Variants in AFAP1L1 observed in about 807,000 individuals in gnomAD.
The protein encoded by AFAP1L1 is actin filament-associated protein 1-like 1.
In AFAP1L1, 77 loss-of-function variants were observed where a neutral mutation model predicts 99.8. The observed-to-expected ratio is 0.77, with a 90% confidence interval of 0.64 to 0.93. AFAP1L1 has a LOEUF of 0.93. Among genes scored for constraint, AFAP1L1 ranks in the 40% least tolerant of loss-of-function variants. AFAP1L1 has a pLI of 0.00. For missense variants in AFAP1L1, 893 were observed against 996.8 expected (o/e 0.90, Z 1.40); for synonymous variants, 373 against 395.3 (o/e 0.94, Z 0.67).
intron 6 of AFAP1L1, 88 bp downstream of exon 6, chr5:149,306,492 C>A: frequency 8.4e-7 from 1 of 1,190,718 alleles, no homozygotes; most frequent in Non-Finnish European, 1.2e-6. Flanking sequence ...CATGGGTGTG[C>A]CCACCAGCCC....
rs1395517638 is a variant in AFAP1L1, at chr5:149,317,986, C to T, written c.1479+46C>T. The stretch of plus-strand genomic sequence containing the variant: ...GTGGGTGGCTCTTGGTCTGGGGACT[C>T]TGGCCTGAGTGTCATGTTTTTGTTT... On this transcript the variant is annotated intron_variant, in intron 12 of 18. Coordinates refer to ENST00000296721, the MANE Select transcript of AFAP1L1 (RefSeq NM_152406.4). The T allele has an allele frequency of 5.8e-6, 9 of 1,539,470 alleles. No individual in the cohort carries two copies. The African/African-American group carries it at 9.6e-5, about 16-fold the overall frequency.
At chr5:149,290,694 A>G (rs1383318460) in intron 1 of AFAP1L1, among the ~76,000 whole-genome samples, 1 of 151,962 alleles carries the variant, frequency 6.6e-6, no homozygotes, top group African/African-American at 2.4e-5. Context: ...GCTTCCTTTT[A>G]CATGCTGAGG....
chr5:149,289,659 A>G (rs892296830), intron 1 of AFAP1L1, among the ~76,000 whole-genome samples: 62 of 152,312 alleles, frequency 4.1e-4, no homozygotes, highest in Admixed American at 2.3e-3. Flanking sequence ...AGGAAGGGAG[A>G]TGTCCTGATA....
At chr5:149,276,669 AT>A (rs67033614) in intron 1 of AFAP1L1, 51,669 of 151,832 alleles carry the variant, frequency 0.34, 9,715 homozygotes, top group East Asian at 0.53. Context: ...AGTAATTACA[AT>A]TTTTTTTTCC....
chr5:149,301,048 C>T, intron 3 of AFAP1L1, 85 bp from the exon 4 acceptor site: 1 of 1,241,654 alleles, frequency 8.1e-7, no homozygotes, highest in Middle Eastern at 1.9e-4. Context: ...ACACTCAGGC[C>T]TCCTGACCCC....
intron 9 of AFAP1L1, among the ~76,000 whole-genome samples, chr5:149,313,112 G>A (rs1756686929): frequency 6.7e-6 from 1 of 149,086 alleles, no homozygotes; most frequent in Admixed American, 6.7e-5. Flanking sequence ...GGCAAAAAGA[G>A]CAAAGCTTCA....
rs1036366935 is a variant in AFAP1L1 at position 149,340,925 on chromosome 5, A to G, written c.*895A>G. The stretch of plus-strand genomic sequence containing the variant: ...CTCATCTTGCACTCAGAGGCCCACT[A>G]GTTTGCCCTTCTATATATTAAGTAA... On this transcript the variant is annotated 3_prime_UTR_variant, in exon 19 of 19. Coordinates refer to ENST00000296721, the MANE Select transcript of AFAP1L1 (RefSeq NM_152406.4). The G allele has an allele frequency of 2.6e-5, 4 of 152,312 alleles. No individual in the cohort carries two copies. 9.4% of individuals were successfully genotyped at this position (152,312 alleles called of 1,614,324 possible).
intron 14 of AFAP1L1, among the ~76,000 whole-genome samples, chr5:149,322,252 T>C (rs1015948526): frequency 6.6e-6 from 1 of 152,204 alleles, no homozygotes; most frequent in African/African-American, 2.4e-5. Context: ...AAGACTGTTT[T>C]CTTTTTGAGG....
At position 149,295,662 on chromosome 5, in the gene AFAP1L1, G is replaced by GGAAGGAAGGGAGGGAA. The variant is rs1561665682; in HGVS notation, c.17-3844_17-3843insGGAAGGGAGGGAAGAA. Among the ~76,000 whole-genome samples, 9 of 152,066 alleles carry GGAAGGAAGGGAGGGAA rather than the reference G, an allele frequency of 5.9e-5. No homozygotes were observed. In the East Asian group the frequency reaches 1.7e-3, roughly 29 times the overall value. On this transcript the variant is annotated intron_variant, in intron 1 of 18. Coordinates refer to ENST00000296721, the MANE Select transcript of AFAP1L1 (RefSeq NM_152406.4). ...AGGAGGGAAGGAAGGAAGGGAGGGAGGAACAGATTTAAAAATCCCAAAAAG... is the reference window on the plus strand; with the variant it reads ...AGGAGGGAAGGAAGGAAGGGAGGGAGGAAGGAAGGGAGGGAAGAACAGATTTAAAAATCCCAAAAAG...
chr5:149,301,062 T>C lies in AFAP1L1; in HGVS notation c.230-71T>C, dbSNP rs572230079. The C allele has an allele frequency of 6.9e-5, 99 of 1,427,740 alleles. No homozygotes were observed. In the African/African-American group the frequency reaches 1.3e-3, roughly 19 times the overall value. The allele number at this position is 1,427,740 out of a possible 1,614,324, so 88.4% of individuals were successfully genotyped here. A position where few individuals can be genotyped will look rare whatever the true frequency, so the allele number is the denominator to read the frequency against. On this transcript the variant is annotated intron_variant, in intron 3 of 18. Transcript: ENST00000296721. ...CACACTCAGGCCTCCTGACCCCAAATCCAGCCCTCTTCCCCTGGTCTGTGC... is the reference window on the plus strand; with the variant it reads ...CACACTCAGGCCTCCTGACCCCAAACCCAGCCCTCTTCCCCTGGTCTGTGC...
intron 1 of AFAP1L1, among the ~76,000 whole-genome samples, chr5:149,298,353 G>A (rs1756081547): frequency 6.6e-6 from 1 of 152,174 alleles, no homozygotes; most frequent in Non-Finnish European, 1.5e-5. Flanking sequence ...AAAACTTGCT[G>A]GGAGGAACAA....
chr5:149,307,089 A>G (rs949892573), intron 6 of AFAP1L1, among the ~76,000 whole-genome samples: 1 of 152,172 alleles, frequency 6.6e-6, no homozygotes, highest in Non-Finnish European at 1.5e-5. Flanking sequence ...TCTACTAAAA[A>G]TACAAAAATT....
At chr5:149,276,442 A>G (rs901909387) in intron 1 of AFAP1L1, among the ~76,000 whole-genome samples, 2 of 152,226 alleles carry the variant, frequency 1.3e-5, no homozygotes, top group South Asian at 2.1e-4. Flanking sequence ...AGAATCAACC[A>G]TCAGGTAAAG....
In AFAP1L1 at chr5:149,340,187, G is replaced by T; in HGVS notation, c.*157G>T. 1.4e-6 allele frequency: 1 copy of T among 726,226 alleles called. No individual in the cohort carries two copies. The highest frequency in any genetic ancestry group is 2.3e-6 in the Non-Finnish European group (1 of 439,310). The allele number at this position is 726,226 out of a possible 1,614,324, so 45.0% of individuals were successfully genotyped here. A position where few individuals can be genotyped will look rare whatever the true frequency, so the allele number is the denominator to read the frequency against. ...GCCTTTATTGTCTGCATGATTTTAGGGGATATGGGGAGGGAACAAGTAGAA... is the reference window on the plus strand; with the variant it reads ...GCCTTTATTGTCTGCATGATTTTAGTGGATATGGGGAGGGAACAAGTAGAA... On this transcript the variant is annotated 3_prime_UTR_variant, in exon 19 of 19. Transcript: ENST00000296721.
chr5:149,287,306 G>T (rs1401683369), intron 1 of AFAP1L1, among the ~76,000 whole-genome samples: 1 of 152,028 alleles, frequency 6.6e-6, no homozygotes, highest in Admixed American at 6.5e-5. Context: ...ACTATATAGA[G>T]GGGAAAGCAA....
chr5:149,322,678 C>G lies in AFAP1L1; in HGVS notation c.1771C>G (p.Arg591Gly), dbSNP rs114805975. The G allele has an allele frequency of 1.3e-6, 2 of 1,593,740 alleles. No homozygotes were observed. The highest frequency in any genetic ancestry group is 2.3e-5 in the East Asian group (1 of 44,136). Residue 591 changes from arginine (R) to glycine (G), a missense_variant, in exon 15 of 19, where the codon CGT (arginine) becomes GGT (glycine). Physicochemically the swap from Arg to Gly is moderately radical, Grantham distance 125. Coordinates refer to ENST00000296721, the MANE Select transcript of AFAP1L1 (RefSeq NM_152406.4). ...HASSCSEKSH[R>G]VDPQVKVKRH... Reference sequence around the variant, plus strand: ...CTCCTCCTGCAGTGAGAAGTCCCATCGTGTGGACCCGCAGGTCAAAGTCAA... The same window carrying G: ...CTCCTCCTGCAGTGAGAAGTCCCATGGTGTGGACCCGCAGGTCAAAGTCAA...
chr5:149,307,658 T>A, intron 7 of AFAP1L1, 45 bp downstream of exon 7: 1 of 1,584,752 alleles, frequency 6.3e-7, no homozygotes, highest in Non-Finnish European at 8.6e-7. Context: ...CACATGGACT[T>A]GCATGTGGGT....
At chr5:149,300,380 C>T (rs777765642) in intron 3 of AFAP1L1, 26 bp downstream of exon 3, 100 of 1,594,782 alleles carry the variant, frequency 6.3e-5, no homozygotes, top group Non-Finnish European at 8.2e-5. Flanking sequence ...CCAACCTCAG[C>T]TACGGAGCCA....
Position 149,332,850 on chromosome 5 carries a change from G to A in AFAP1L1, c.2131G>A (p.Val711Met), listed in dbSNP as rs370140768. The change falls in exon 17 of 19, where the codon GTG (valine) becomes ATG (methionine). Residue 711 changes from valine to methionine, a missense_variant. Coordinates refer to ENST00000296721, the MANE Select transcript of AFAP1L1 (RefSeq NM_152406.4). ...LAGGPALGLSVSSKPKSGETA... is the reference protein window; with the variant it reads ...LAGGPALGLSMSSKPKSGETA... Reference sequence around the variant, plus strand: ...AGGAGGGCCAGCCCTGGGGCTCTCCGTGAGCAGCAAGCCCAAGAGTGGGGT... The same window carrying A: ...AGGAGGGCCAGCCCTGGGGCTCTCCATGAGCAGCAAGCCCAAGAGTGGGGT... The A allele has an allele frequency of 2.6e-5, 41 of 1,604,152 alleles. No homozygotes were observed. Among genetic ancestry groups the A allele is most frequent in the African/African-American group, 5.3e-5 (4 of 74,816 alleles).
Sources: gnomAD v4.1 joint callset for allele counts (sites outside exome capture counted in the v4.1 genomes callset) on GRCh38, gnomAD v4.1.1 for gene constraint, MANE v1.5 for transcripts, NCBI Gene and HGNC (gene_info 2026-07-23, HGNC 2026-07-21) for gene names.